The following NLGN1 variants were observed in gnomAD, a reference collection of about 807,000 sequenced individuals.
NLGN1 encodes the protein neuroligin-1.
In NLGN1, 12 loss-of-function variants were observed where a neutral mutation model predicts 65.5. That is an observed-to-expected ratio of 0.18 (90% CI 0.12 to 0.30). NLGN1 has a LOEUF of 0.30. Ranked by LOEUF, NLGN1 falls within the 10% of genes least tolerant of loss-of-function variation. NLGN1 has a pLI of 1.00. For synonymous variants in NLGN1, 350 were observed against 359.5 expected (o/e 0.97, Z 0.30); for missense variants, 750 against 1,007.1 (o/e 0.74, Z 3.46).
chr3:173,810,641 G>C (rs1717722330), intron 4 of NLGN1, among the ~76,000 whole-genome samples: 1 of 152,080 alleles, frequency 6.6e-6, no homozygotes, highest in Admixed American at 6.5e-5. Flanking sequence ...TTTGCTCTTT[G>C]ATTTTAGTGA....
intron 1 of NLGN1, among the ~76,000 whole-genome samples, chr3:173,407,559 A>T (rs887979266): frequency 6.6e-6 from 1 of 152,222 alleles, no homozygotes; most frequent in Admixed American, 6.5e-5. Flanking sequence ...TAATCACCAG[A>T]ACTGATAAAA....
intron 3 of NLGN1, among the ~76,000 whole-genome samples, chr3:173,683,802 A>G (rs1440031014): frequency 2.6e-5 from 4 of 152,138 alleles, no homozygotes; most frequent in Non-Finnish European, 5.9e-5. Context: ...CGTGCTTTGC[A>G]TATGTTTTCA....
chr3:173,585,669 A>C (rs1409111597), intron 2 of NLGN1, among the ~76,000 whole-genome samples: 1 of 152,236 alleles, frequency 6.6e-6, no homozygotes, highest in Non-Finnish European at 1.5e-5. Flanking sequence ...GGAGCAGCCC[A>C]GGAAGACGTT....
chr3:174,105,003 C>A (rs1713400452), intron 4 of NLGN1, among the ~76,000 whole-genome samples: 1 of 151,994 alleles, frequency 6.6e-6, no homozygotes, highest in Admixed American at 6.6e-5. Flanking sequence ...AGGATGTGTT[C>A]TCAGATTATA....
intron 4 of NLGN1, among the ~76,000 whole-genome samples, chr3:174,108,138 T>G (rs887699224): frequency 6.6e-6 from 1 of 152,148 alleles, no homozygotes; most frequent in Non-Finnish European, 1.5e-5. Context: ...TTTTTTAAAA[T>G]TTTGATAAAT....
At chr3:174,105,515 TC>T (rs1344066321) in intron 4 of NLGN1, among the ~76,000 whole-genome samples, 3 of 151,836 alleles carry the variant, frequency 2.0e-5, no homozygotes, top group Admixed American at 2.0e-4. Flanking sequence ...CTGCACTCCA[TC>T]CTGGGCAACA....
chr3:173,533,043 A>G (rs1336126523), intron 2 of NLGN1, among the ~76,000 whole-genome samples: 1 of 152,218 alleles, frequency 6.6e-6, no homozygotes, highest in African/African-American at 2.4e-5. Flanking sequence ...AATAAGTCCC[A>G]TGGTCCTTTC....
chr3:173,532,807 T>C (rs2149188975), intron 2 of NLGN1, among the ~76,000 whole-genome samples: 1 of 152,326 alleles, frequency 6.6e-6, no homozygotes, highest in South Asian at 2.1e-4. Context: ...GACTCACAAG[T>C]ACAAATACTT....
chr3:174,012,413 G>A (rs578257017), intron 4 of NLGN1, among the ~76,000 whole-genome samples: 24 of 152,086 alleles, frequency 1.6e-4, no homozygotes, highest in Non-Finnish European at 2.9e-4. Flanking sequence ...TGATTTCAGA[G>A]GAAATACCAT....
intron 4 of NLGN1, among the ~76,000 whole-genome samples, chr3:173,992,256 C>A (rs537857299): frequency 1.7e-4 from 26 of 152,072 alleles, no homozygotes; most frequent in Middle Eastern, 3.4e-3. Flanking sequence ...AACTCTGATC[C>A]TTTAAATTAC....
rs558191086 is a variant in NLGN1 at position 173,875,470 on chromosome 3, A to G, written c.646+67638A>G. ...TTTAAAGCATAAAATGTAGTGACAC[A>G]TGCAAAAGCCATTAAATGTAAGTGA... On this transcript the variant is annotated intron_variant, in intron 4 of 6. Transcript: ENST00000457714. Among the ~76,000 whole-genome samples, 6 of 152,356 alleles carry G rather than the reference A, an allele frequency of 3.9e-5. No homozygotes were observed. The South Asian group carries it at 6.2e-4, about 16-fold the overall frequency.
chr3:174,010,443 C>A (rs946901675), intron 4 of NLGN1, among the ~76,000 whole-genome samples: 8 of 152,044 alleles, frequency 5.3e-5, no homozygotes, highest in Non-Finnish European at 1.0e-4. Flanking sequence ...AGATATACTA[C>A]AAAATAATAC....
At chr3:174,253,379 T>C (rs1440334118) in intron 4 of NLGN1, among the ~76,000 whole-genome samples, 1 of 152,222 alleles carries the variant, frequency 6.6e-6, no homozygotes, top group Non-Finnish European at 1.5e-5. Flanking sequence ...GGTTTGATTG[T>C]GCTACTGTAT....
intron 4 of NLGN1, among the ~76,000 whole-genome samples, chr3:174,158,302 T>C (rs138668554): frequency 4.6e-5 from 7 of 151,922 alleles, no homozygotes; most frequent in African/African-American, 1.4e-4. Context: ...TAGAATTTAT[T>C]TGAGCGTGTA....
chr3:174,099,032 CTCATAG>C (rs1360165995), intron 4 of NLGN1, among the ~76,000 whole-genome samples: 2 of 152,144 alleles, frequency 1.3e-5, no homozygotes, highest in African/African-American at 4.8e-5. Context: ...CTGTGAAATT[CTCATAG>C]TCATAGTGAA....
Position 174,222,186 on chromosome 3 carries a change from G to A in NLGN1, c.647-53129G>A, listed in dbSNP as rs578098469. On this transcript the variant is annotated intron_variant, in intron 4 of 6. Transcript: ENST00000457714. ...TGAGTGTTTCTATTAATGAGTTATT[G>A]CGTGTATATACTATACACAATCATG... 3.0e-4 allele frequency among the ~76,000 whole-genome samples: 45 copies of A among 152,134 alleles called. 3 individuals are homozygous for A. Among genetic ancestry groups the A allele is most frequent in the East Asian group, 1.9e-3 (10 of 5,156 alleles).
chr3:173,896,623 T>C (rs1405026336), intron 4 of NLGN1, among the ~76,000 whole-genome samples: 2 of 152,206 alleles, frequency 1.3e-5, no homozygotes, highest in Non-Finnish European at 1.5e-5. Flanking sequence ...GTGTATGCTT[T>C]ATTAGCATAT....
intron 2 of NLGN1, among the ~76,000 whole-genome samples, chr3:173,587,435 T>G (rs1184214959): frequency 6.6e-6 from 1 of 152,134 alleles, no homozygotes; most frequent in African/African-American, 2.4e-5. Context: ...CACCAAAATT[T>G]TTTAAAAAGT....
intron 2 of NLGN1, among the ~76,000 whole-genome samples, chr3:173,453,173 C>T (rs1432177218): frequency 6.6e-6 from 1 of 151,290 alleles, no homozygotes; most frequent in East Asian, 1.9e-4. Flanking sequence ...AATCACGGCT[C>T]ACTGCAGTCT....
Sources: allele counts gnomAD v4.1 joint callset (sites outside exome capture counted in the v4.1 genomes callset), GRCh38; gene constraint gnomAD v4.1.1; transcripts MANE v1.5; gene names NCBI Gene and HGNC (gene_info 2026-07-23, HGNC 2026-07-21).